The following TMEM131 variants were observed in gnomAD, a reference collection of about 807,000 sequenced individuals.
The protein encoded by TMEM131 is transmembrane protein 131, also known as 2610524E03Rik.
Under a neutral mutation model 211.6 loss-of-function variants are expected in TMEM131, and 66 were observed. The observed-to-expected ratio is 0.31, with a 90% CI of 0.26 to 0.38. The LOEUF (loss-of-function observed/expected upper bound fraction) is 0.38, where lower values mean the gene tolerates loss of function less well. Among genes scored for constraint, TMEM131 ranks in the 10% least tolerant of loss-of-function variants. TMEM131 has a pLI of 1.00. For missense variants in TMEM131, 2,036 were observed against 2,299.3 expected, an observed-to-expected ratio of 0.89 and a Z score of 2.34; for synonymous variants, 844 against 841.3, an observed-to-expected ratio of 1.00 and a Z score of -0.06.
At chr2:97,785,506 G>T (rs989364496) in intron 31 of TMEM131, among the ~76,000 whole-genome samples, 2 of 152,122 alleles carry the variant, frequency 1.3e-5, no homozygotes, top group African/African-American at 4.8e-5. Flanking sequence ...GGATTCAACA[G>T]AAAAAAATGA....
chr2:97,788,548 C>T (rs566841004), intron 31 of TMEM131, among the ~76,000 whole-genome samples: 35 of 152,286 alleles, frequency 2.3e-4, no homozygotes, highest in Middle Eastern at 3.4e-3. Flanking sequence ...ACTGTCCATC[C>T]TTTTATCATC....
intron 33 of TMEM131, 110 bp downstream of exon 33, chr2:97,772,187 A>G: frequency 1.5e-6 from 2 of 1,330,432 alleles, no homozygotes; most frequent in Non-Finnish European, 1.0e-6. Context: ...TTTGCTATCA[A>G]CTCCCCTAAA....
At chr2:97,814,729 T>C (rs2104977452) in intron 13 of TMEM131, among the ~76,000 whole-genome samples, 1 of 152,312 alleles carries the variant, frequency 6.6e-6, no homozygotes, top group African/African-American at 2.4e-5. Flanking sequence ...CCAAGTTGAG[T>C]ATTAAACTAC....
intron 2 of TMEM131, among the ~76,000 whole-genome samples, chr2:97,920,441 T>G (rs1224989657): frequency 2.0e-5 from 3 of 152,144 alleles, no homozygotes; most frequent in Non-Finnish European, 4.4e-5. Flanking sequence ...CTAGTAAAGT[T>G]AAGGTAAGAA....
chr2:97,981,720 C>T (rs985628255), intron 1 of TMEM131, among the ~76,000 whole-genome samples: 39 of 152,216 alleles, frequency 2.6e-4, no homozygotes, highest in African/African-American at 8.2e-4. Flanking sequence ...CACTGCTCTC[C>T]ATAGTTCTAG....
intron 22 of TMEM131, among the ~76,000 whole-genome samples, chr2:97,804,870 C>T (rs1221300182): frequency 6.6e-6 from 1 of 152,036 alleles, no homozygotes; most frequent in Non-Finnish European, 1.5e-5. Context: ...ATATCTAAAG[C>T]ACCACAGAAA....
At chr2:97,909,650 A>G (rs1341843389) in intron 2 of TMEM131, among the ~76,000 whole-genome samples, 7 of 152,200 alleles carry the variant, frequency 4.6e-5, no homozygotes, top group South Asian at 2.1e-4. Flanking sequence ...CCAATAATAT[A>G]TATTATTTTG....
At chr2:97,827,636 G>A (rs997728560) in intron 11 of TMEM131, 10 of 948,048 alleles carry the variant, frequency 1.1e-5, no homozygotes, top group Admixed American at 2.0e-5. Flanking sequence ...TTTTGTAAAT[G>A]CAAGTTTTTT....
At chr2:97,990,263 A>T (rs1680204231) in intron 1 of TMEM131, among the ~76,000 whole-genome samples, 2 of 152,102 alleles carry the variant, frequency 1.3e-5, no homozygotes, top group African/African-American at 4.8e-5. Context: ...GCCTGTGATT[A>T]CTTAAACTGT....
intron 11 of TMEM131, among the ~76,000 whole-genome samples, chr2:97,830,182 T>C (rs1484655410): frequency 6.9e-6 from 1 of 145,930 alleles, no homozygotes; most frequent in Non-Finnish European, 1.5e-5. Context: ...TAAAACCCAT[T>C]TTCCAGGGAA....
intron 1 of TMEM131, among the ~76,000 whole-genome samples, chr2:97,987,614 G>C (rs1161744847): frequency 6.6e-6 from 1 of 152,162 alleles, no homozygotes; most frequent in African/African-American, 2.4e-5. Context: ...TAAGTACGCA[G>C]CATTTTTTCT....
At chr2:97,942,855 G>A (rs1015291572) in intron 1 of TMEM131, among the ~76,000 whole-genome samples, 6 of 151,440 alleles carry the variant, frequency 4.0e-5, no homozygotes, top group Admixed American at 4.0e-4. Context: ...CTGGGCATGG[G>A]GAACGGCTGT....
chr2:97,982,684 G>A (rs770407096), intron 1 of TMEM131, among the ~76,000 whole-genome samples: 12 of 152,234 alleles, frequency 7.9e-5, no homozygotes, highest in Middle Eastern at 6.8e-3. Context: ...ATGGCAAAAG[G>A]AATTTTGTAG....
chr2:97,891,822 G>GC (rs1283787790), intron 3 of TMEM131, among the ~76,000 whole-genome samples: 5 of 152,120 alleles, frequency 3.3e-5, no homozygotes. Flanking sequence ...AGATTCTGGG[G>GC]CCCCACCTCC....
intron 4 of TMEM131, among the ~76,000 whole-genome samples, chr2:97,863,125 A>C (rs1197214035): frequency 1.3e-5 from 2 of 152,142 alleles, no homozygotes; most frequent in African/African-American, 2.4e-5. Context: ...AAACCCCCAC[A>C]CTTTTACCCT....
chr2:97,777,045 G>T (rs145797740), intron 31 of TMEM131, among the ~76,000 whole-genome samples: 1 of 152,136 alleles, frequency 6.6e-6, no homozygotes, highest in South Asian at 2.1e-4. Context: ...AACCAGCCCC[G>T]AACATATTTC....
intron 31 of TMEM131, among the ~76,000 whole-genome samples, chr2:97,786,854 T>C (rs1451731574): frequency 1.3e-5 from 2 of 152,260 alleles, no homozygotes; most frequent in African/African-American, 2.4e-5. Flanking sequence ...TCCGTTCTAC[T>C]ATTCGATGTC....
intron 35 of TMEM131, chr2:97,764,375 C>T (rs1679053529): frequency 6.6e-6 from 1 of 152,174 alleles, no homozygotes; most frequent in African/African-American, 2.4e-5. Flanking sequence ...CATGTGGGAC[C>T]GACTCTTCTG....
intron 2 of TMEM131, among the ~76,000 whole-genome samples, chr2:97,924,515 C>T (rs980108593): frequency 7.2e-5 from 11 of 152,162 alleles, no homozygotes; most frequent in African/African-American, 2.4e-4. Flanking sequence ...TTTACCCCAG[C>T]TCAGCCACCA....
Sources: allele counts gnomAD v4.1 joint callset (sites outside exome capture counted in the v4.1 genomes callset), GRCh38; gene constraint gnomAD v4.1.1; transcripts MANE v1.5; gene names NCBI Gene and HGNC (gene_info 2026-07-23, HGNC 2026-07-21).